The following RORB variants were observed in gnomAD, a reference collection of about 807,000 sequenced individuals.
The protein encoded by RORB is nuclear receptor ROR-beta.
A neutral mutation model predicts 59.1 loss-of-function variants in RORB; 6 were observed. The observed-to-expected ratio is 0.10, with a 90% CI of 0.06 to 0.20. The LOEUF is 0.20. Ranked by LOEUF, RORB falls within the 10% of genes least tolerant of loss-of-function variation. RORB has a pLI of 1.00. For synonymous variants in RORB, 215 were observed against 204.5 expected (o/e 1.05, Z -0.44); for missense variants, 320 against 560.5 (o/e 0.57, Z 4.33).
chr9:74,613,511 T>A (rs971810189), intron 1 of RORB, among the ~76,000 whole-genome samples: 12 of 152,188 alleles, frequency 7.9e-5, no homozygotes, highest in Non-Finnish European at 7.3e-5. Flanking sequence ...CTTCAGTCCC[T>A]GCTGCCCGTT....
At chr9:74,656,778 C>G (rs1447712458) in intron 4 of RORB, among the ~76,000 whole-genome samples, 1 of 152,118 alleles carries the variant, frequency 6.6e-6, no homozygotes, top group Admixed American at 6.5e-5. Context: ...TACTTTACAG[C>G]TCCTACTTTA....
At chr9:74,612,810 A>T (rs890082602) in intron 1 of RORB, among the ~76,000 whole-genome samples, 1 of 152,200 alleles carries the variant, frequency 6.6e-6, no homozygotes, top group Non-Finnish European at 1.5e-5. Context: ...GAACTATAAC[A>T]CATCAGATAT....
At chr9:74,578,302 G>A (rs563618151) in intron 1 of RORB, among the ~76,000 whole-genome samples, 71 of 152,246 alleles carry the variant, frequency 4.7e-4, no homozygotes, top group African/African-American at 1.5e-3. Context: ...ATATTAGGTC[G>A]TTAATGGCTC....
chr9:74,559,012 G>C (rs1822353856), intron 1 of RORB, among the ~76,000 whole-genome samples: 1 of 152,140 alleles, frequency 6.6e-6, no homozygotes, highest in Admixed American at 6.6e-5. Flanking sequence ...GAGTGTAACT[G>C]ACCCATTTAA....
chr9:74,517,893 A>G (rs1027007540), intron 1 of RORB, among the ~76,000 whole-genome samples: 2 of 152,074 alleles, frequency 1.3e-5, no homozygotes, highest in East Asian at 1.9e-4. Context: ...CTTCATGTGA[A>G]TTACCTCAGT....
At chr9:74,602,311 T>G (rs1159950367) in intron 1 of RORB, among the ~76,000 whole-genome samples, 1 of 152,138 alleles carries the variant, frequency 6.6e-6, no homozygotes, top group African/African-American at 2.4e-5. Flanking sequence ...CATAAGCACT[T>G]AATAATTTTC....
chr9:74,516,164 G>C (rs546998946), intron 1 of RORB, among the ~76,000 whole-genome samples: 2 of 152,168 alleles, frequency 1.3e-5, no homozygotes, highest in Admixed American at 1.3e-4. Flanking sequence ...GTAAAGTGAA[G>C]ATAGATAATA....
At chr9:74,645,321 C>T (rs1823877043) in intron 4 of RORB, among the ~76,000 whole-genome samples, 1 of 152,174 alleles carries the variant, frequency 6.6e-6, no homozygotes, top group Admixed American at 6.6e-5. Context: ...CATTGACACT[C>T]ATTTCACTAA....
chr9:74,521,265 C>T (rs1048000088), intron 1 of RORB, among the ~76,000 whole-genome samples: 1 of 151,780 alleles, frequency 6.6e-6, no homozygotes, highest in African/African-American at 2.4e-5. Context: ...GAAAAATAAC[C>T]ACATGTATAT....
At chr9:74,518,786 G>A (rs937627363) in intron 1 of RORB, among the ~76,000 whole-genome samples, 24 of 152,016 alleles carry the variant, frequency 1.6e-4, no homozygotes, top group South Asian at 8.3e-4. Context: ...AAGATGTGCC[G>A]CTGGGATGCT....
chr9:74,582,276 A>C (rs1451592607), intron 1 of RORB, among the ~76,000 whole-genome samples: 1 of 152,218 alleles, frequency 6.6e-6, no homozygotes, highest in East Asian at 1.9e-4. Flanking sequence ...AAACCATTCT[A>C]GGGTAACTGA....
intron 1 of RORB, among the ~76,000 whole-genome samples, chr9:74,627,830 G>A (rs1823545997): frequency 6.6e-6 from 1 of 151,784 alleles, no homozygotes; most frequent in Admixed American, 6.6e-5. Flanking sequence ...ATGACTTGCT[G>A]TGTCATTTAT....
rs149517201 is a variant in RORB at position 74,673,319 on chromosome 9, CT to C, written c.1224+1422del. Among the ~76,000 whole-genome samples, 1,201 of 152,180 alleles carry C rather than the reference CT, an allele frequency of 7.9e-3. 16 individuals carry two copies. The highest frequency in any genetic ancestry group is 0.028 in the African/African-American group (1,148 of 41,536). On this transcript the variant is annotated intron_variant, in intron 9 of 9. Coordinates refer to ENST00000376896, the MANE Select transcript of RORB (RefSeq NM_006914.4). ...GTCTGCATTTGGGATCTCCTGAAGA[CT>C]TTTGTCCCCATATTTACCATCCTAA...
intron 1 of RORB, among the ~76,000 whole-genome samples, chr9:74,599,513 A>G (rs1823022607): frequency 6.6e-6 from 1 of 152,214 alleles, no homozygotes; most frequent in Admixed American, 6.5e-5. Context: ...ACTCAATCCC[A>G]GAGAATCCTA....
chr9:74,618,149 A>ACACACG (rs2118376435), intron 1 of RORB, among the ~76,000 whole-genome samples: 1 of 152,268 alleles, frequency 6.6e-6, no homozygotes, highest in South Asian at 2.1e-4. Context: ...ACACACGCAC[A>ACACACG]CACACGCGCA....
At chr9:74,531,981 C>A (rs1025644414) in intron 1 of RORB, among the ~76,000 whole-genome samples, 2 of 151,824 alleles carry the variant, frequency 1.3e-5, no homozygotes, top group East Asian at 2.0e-4. Context: ...ATGTCTCAAG[C>A]CCTTGAAAAA....
intron 1 of RORB, among the ~76,000 whole-genome samples, chr9:74,546,680 G>A (rs962854695): frequency 2.0e-5 from 3 of 152,178 alleles, no homozygotes; most frequent in African/African-American, 7.2e-5. Context: ...ACACCGTTGT[G>A]CATTTGAATC....
chr9:74,519,658 C>CGCT (rs1826056236), intron 1 of RORB, among the ~76,000 whole-genome samples: 1 of 151,958 alleles, frequency 6.6e-6, no homozygotes, highest in African/African-American at 2.4e-5. Context: ...CCAAACAATG[C>CGCT]GCTGCCCAAA....
chr9:74,629,841 C>T (rs1345467582), intron 1 of RORB, among the ~76,000 whole-genome samples: 3 of 152,144 alleles, frequency 2.0e-5, no homozygotes, highest in Admixed American at 1.3e-4. Flanking sequence ...ACTGCTCCCT[C>T]CCAGAGTTTT....
Sources: allele counts gnomAD v4.1 joint callset (sites outside exome capture counted in the v4.1 genomes callset), GRCh38; gene constraint gnomAD v4.1.1; transcripts MANE v1.5; gene names NCBI Gene and HGNC (gene_info 2026-07-23, HGNC 2026-07-21).